PDGFC: variants seen among roughly 807,000 people sequenced by gnomAD.
PDGFC encodes the protein platelet derived growth factor C, also known as platelet-derived growth factor C.
PDGFC carries 12 observed loss-of-function variants against 35.5 expected under a neutral mutation model. The ratio of observed to expected loss-of-function variants is 0.34; its 90% CI spans 0.22 to 0.55. The LOEUF (loss-of-function observed/expected upper bound fraction) is 0.55, where lower values mean the gene tolerates loss of function less well. PDGFC is among the 20% of genes least tolerant of loss of function. The probability of loss-of-function intolerance (pLI) is 0.91; values close to 1 mark genes in which losing one functional copy is unlikely to be tolerated. For synonymous variants in PDGFC, 159 were observed against 148.8 expected, an observed-to-expected ratio of 1.07 and a Z score of -0.50; for missense variants, 322 against 412.4, an observed-to-expected ratio of 0.78 and a Z score of 1.90.
intron 1 of PDGFC, among the ~76,000 whole-genome samples, chr4:156,872,512 T>C: frequency 6.6e-6 from 1 of 152,312 alleles, no homozygotes; most frequent in East Asian, 1.9e-4. Flanking sequence ...CACACTCCTC[T>C]CATCCCATCT....
intron 1 of PDGFC, chr4:156,967,333 G>A (rs1410613873): frequency 6.6e-6 from 1 of 152,134 alleles, no homozygotes; most frequent in Non-Finnish European, 1.5e-5. Flanking sequence ...GATAAAAAGA[G>A]ATGGAAAATC....
Position 156,952,294 on chromosome 4 carries a change from C to T in PDGFC, c.118+18492G>A, listed in dbSNP as rs148295420. ...AACCTAAATTATAGATTAGCTATTA[C>T]ACACTGGCATTCAATGATACTGCCA... On this transcript the variant is annotated intron_variant, in intron 1 of 5. Transcript: ENST00000502773. Among the ~76,000 whole-genome samples the T allele has an allele frequency of 1.8e-3, 270 of 151,976 alleles. 1 individual carries two copies. The highest frequency in any genetic ancestry group is 1.3e-3 in the Non-Finnish European group (91 of 67,832).
intron 2 of PDGFC, among the ~76,000 whole-genome samples, chr4:156,821,165 TTGTATG>T (rs1354209448): frequency 2.5e-5 from 3 of 118,092 alleles, no homozygotes; most frequent in East Asian, 2.1e-4. Flanking sequence ...ATGTTGCCTG[TTGTATG>T]TGTGTGTGTG....
At chr4:156,877,136 T>G (rs1432035105) in intron 1 of PDGFC, among the ~76,000 whole-genome samples, 1 of 152,086 alleles carries the variant, frequency 6.6e-6, no homozygotes. Context: ...TAAGTGTATA[T>G]ATTTATGAGG....
At chr4:156,855,340 G>A (rs1020823628) in intron 1 of PDGFC, among the ~76,000 whole-genome samples, 6 of 152,116 alleles carry the variant, frequency 3.9e-5, no homozygotes, top group South Asian at 2.1e-4. Context: ...TGGATAATAT[G>A]CAACTCCTAA....
At chr4:156,871,968 G>A (rs1010549470) in intron 1 of PDGFC, among the ~76,000 whole-genome samples, 1 of 151,382 alleles carries the variant, frequency 6.6e-6, no homozygotes, top group Non-Finnish European at 1.5e-5. Context: ...TAAATCTATG[G>A]TTTTATTGAT....
chr4:156,767,450 T>A (rs1294962560), intron 5 of PDGFC, among the ~76,000 whole-genome samples: 1 of 152,052 alleles, frequency 6.6e-6, no homozygotes, highest in African/African-American at 2.4e-5. Flanking sequence ...TTTTCCTTCA[T>A]ATTTTGAAAA....
chr4:156,934,575 T>C (rs1731631554), intron 1 of PDGFC, among the ~76,000 whole-genome samples: 1 of 152,224 alleles, frequency 6.6e-6, no homozygotes, highest in African/African-American at 2.4e-5. Flanking sequence ...TCTTACATAA[T>C]ATACTAGCCT....
Position 156,763,183 on chromosome 4 carries a change from G to C in PDGFC, c.945C>G (p.Thr315=), listed in dbSNP as rs772316168. The C allele has an allele frequency of 5.0e-6, 8 of 1,606,746 alleles. No homozygotes were observed. The highest frequency in any genetic ancestry group is 6.8e-6 in the Non-Finnish European group (8 of 1,173,432). Residue 315 remains threonine, a synonymous_variant, in exon 6 of 6, where the codon ACC becomes ACG. Transcript: ENST00000502773. The stretch of plus-strand genomic sequence containing the variant: ...GTGATTTGTGCAATCCCCTGACACC[G>C]GTCTTTGGTCTCAACTGAAGGACCT... ...YHEVLQLRPK[T]GVRGLHKSLT...
chr4:156,867,377 G>A (rs998297077), intron 1 of PDGFC, among the ~76,000 whole-genome samples: 1 of 152,194 alleles, frequency 6.6e-6, no homozygotes, highest in African/African-American at 2.4e-5. Flanking sequence ...AATAATGCCA[G>A]GTGATACTTC....
At chr4:156,786,174 G>A (rs1304226032) in intron 3 of PDGFC, among the ~76,000 whole-genome samples, 4 of 152,058 alleles carry the variant, frequency 2.6e-5, no homozygotes, top group Middle Eastern at 3.4e-3. Flanking sequence ...CAACTAATAC[G>A]AGCCAGACAC....
chr4:156,857,771 G>A (rs918283859), intron 1 of PDGFC, among the ~76,000 whole-genome samples: 2 of 151,964 alleles, frequency 1.3e-5, no homozygotes, highest in Non-Finnish European at 1.5e-5. Flanking sequence ...GGCTTTTTCC[G>A]AAAAGTTGGG....
intron 2 of PDGFC, among the ~76,000 whole-genome samples, chr4:156,847,491 T>C (rs1729353617): frequency 6.6e-6 from 1 of 151,852 alleles, no homozygotes; most frequent in Non-Finnish European, 1.5e-5. Context: ...AGTCAGAGAT[T>C]CTAGGTGACT....
intron 1 of PDGFC, among the ~76,000 whole-genome samples, chr4:156,855,271 A>C (rs1418726368): frequency 6.6e-6 from 1 of 152,176 alleles, no homozygotes; most frequent in Non-Finnish European, 1.5e-5. Flanking sequence ...ATGCAATTCA[A>C]ATTATAATCC....
At chr4:156,835,626 C>T (rs1462533591) in intron 2 of PDGFC, among the ~76,000 whole-genome samples, 1 of 152,080 alleles carries the variant, frequency 6.6e-6, no homozygotes, top group Non-Finnish European at 1.5e-5. Context: ...AAGAATAACC[C>T]AATCCCATTA....
chr4:156,778,046 A>T (rs1037342322), intron 3 of PDGFC, among the ~76,000 whole-genome samples: 1 of 152,074 alleles, frequency 6.6e-6, no homozygotes, highest in Admixed American at 6.6e-5. Context: ...GGAGGTTGCA[A>T]TGAGCCAAGA....
At position 156,894,451 on chromosome 4, in the gene PDGFC, T is replaced by C. The variant is rs984370265; in HGVS notation, c.119-44035A>G. On this transcript the variant is annotated intron_variant, in intron 1 of 5. Coordinates refer to ENST00000502773, the MANE Select transcript of PDGFC (RefSeq NM_016205.3). Reference sequence around the variant, plus strand: ...CATTGCATCATAGTATTGTTCATTATGAATAATCCATTACAGCAAGGTTAA... The same window carrying C: ...CATTGCATCATAGTATTGTTCATTACGAATAATCCATTACAGCAAGGTTAA... 3.9e-5 allele frequency among the ~76,000 whole-genome samples: 6 copies of C among 152,190 alleles called. No individual in the cohort carries two copies. The East Asian group carries it at 1.2e-3, about 29-fold the overall frequency.
At chr4:156,962,874 T>A (rs545038915) in intron 1 of PDGFC, among the ~76,000 whole-genome samples, 1 of 152,106 alleles carries the variant, frequency 6.6e-6, no homozygotes, top group African/African-American at 2.4e-5. Flanking sequence ...TATTAAGCAA[T>A]GCAAAACTAG....
chr4:156,894,799 C>G (rs1329016516), intron 1 of PDGFC, among the ~76,000 whole-genome samples: 1 of 152,096 alleles, frequency 6.6e-6, no homozygotes, highest in Non-Finnish European at 1.5e-5. Context: ...AAAAAAAAGG[C>G]TCAGCACTCA....
Sources: gnomAD v4.1 joint callset for allele counts (sites outside exome capture counted in the v4.1 genomes callset) on GRCh38, gnomAD v4.1.1 for gene constraint, MANE v1.5 for transcripts, NCBI Gene and HGNC (gene_info 2026-07-23, HGNC 2026-07-21) for gene names.